The following OSBPL6 variants were observed in gnomAD, a reference collection of about 807,000 sequenced individuals.
OSBPL6 encodes oxysterol binding protein like 6, also known as oxysterol-binding protein-related protein 6.
A neutral mutation model predicts 125.8 loss-of-function variants in OSBPL6; 49 were observed. That is an observed-to-expected ratio of 0.39 (90% CI 0.31 to 0.49). The LOEUF (loss-of-function observed/expected upper bound fraction) is 0.49. OSBPL6 is among the 20% of genes least tolerant of loss of function. OSBPL6 has a pLI of 0.88. For synonymous variants in OSBPL6, 394 were observed against 391.8 expected (o/e 1.01, Z -0.07); for missense variants, 986 against 1,135.4 (o/e 0.87, Z 1.89).
At chr2:178,241,629 T>C (rs997128328) in intron 1 of OSBPL6, among the ~76,000 whole-genome samples, 8 of 152,112 alleles carry the variant, frequency 5.3e-5, no homozygotes, top group African/African-American at 1.9e-4. Flanking sequence ...TTGGCCAGGC[T>C]GGTCTTGAAC....
intron 1 of OSBPL6, among the ~76,000 whole-genome samples, chr2:178,200,545 C>A (rs1260280998): frequency 6.6e-6 from 1 of 152,072 alleles, no homozygotes; most frequent in Non-Finnish European, 1.5e-5. Context: ...AGCCTCTGTG[C>A]CTGGCTCTTC....
intron 11 of OSBPL6, among the ~76,000 whole-genome samples, chr2:178,341,463 A>G (rs2154082985): frequency 6.6e-6 from 1 of 152,238 alleles, no homozygotes; most frequent in Admixed American, 6.5e-5. Context: ...GAAAATGTCC[A>G]AAAAGCTAGA....
At chr2:178,385,081 G>T (rs1694821928) in intron 18 of OSBPL6, among the ~76,000 whole-genome samples, 1 of 152,140 alleles carries the variant, frequency 6.6e-6, no homozygotes, top group African/African-American at 2.4e-5. Flanking sequence ...ACTGGGGCCT[G>T]TTGGGGGGTG....
chr2:178,324,211 G>T lies in OSBPL6; in HGVS notation c.137G>T (p.Ser46Ile). 6.3e-7 allele frequency: 1 copy of T among 1,582,388 alleles called. No homozygotes were observed. Among genetic ancestry groups the T allele is most frequent in the Non-Finnish European group, 8.6e-7 (1 of 1,158,476 alleles). The change falls in exon 4 of 25, where the codon AGC becomes ATC. Residue 46 changes from serine to isoleucine, a missense_variant. Coordinates refer to ENST00000190611, the MANE Select transcript of OSBPL6 (RefSeq NM_032523.4). ...ATACTGGAGAGGACTGCTTCCTCTA[G>T]CACCGAGCCCTCTGTAAGTCGGCAA... ...IHILERTASS[S>I]TEPSVSRQLL...
At chr2:178,292,470 C>T (rs1029027012) in intron 2 of OSBPL6, among the ~76,000 whole-genome samples, 1 of 152,102 alleles carries the variant, frequency 6.6e-6, no homozygotes, top group African/African-American at 2.4e-5. Flanking sequence ...GAAGGAAAAA[C>T]ACACACGCTC....
chr2:178,324,940 T>C (rs1688565969), intron 4 of OSBPL6, among the ~76,000 whole-genome samples: 1 of 152,200 alleles, frequency 6.6e-6, no homozygotes, highest in African/African-American at 2.4e-5. Flanking sequence ...TATTCTGGCT[T>C]CTAGGCTCCT....
chr2:178,332,525 T>C, intron 6 of OSBPL6, 116 bp from the exon 7 acceptor site: 2 of 736,946 alleles, frequency 2.7e-6, no homozygotes, highest in Non-Finnish European at 4.7e-6. Flanking sequence ...AGGAGGTATA[T>C]GTAGTATTCC....
In OSBPL6 at chr2:178,361,710, T is replaced by C. The variant is rs1574970154; in HGVS notation, c.1182T>C (p.Asn394=). Residue 394 remains asparagine (N), a synonymous_variant, in exon 13 of 25, where the codon AAT becomes AAC. Coordinates refer to ENST00000190611, the MANE Select transcript of OSBPL6 (RefSeq NM_032523.4). The stretch of plus-strand genomic sequence containing the variant: ...ATTCTCTTTTGAAGTCTGCATTTAA[T>C]AGCATAGCTATAGAGAAGGAGAAGC... The part of the protein sequence containing the change: ...KVHSLLKSAF[N]SIAIEKEKLK... 1 of 1,614,142 alleles carries C rather than the reference T, an allele frequency of 6.2e-7. No individual in the cohort carries two copies. The highest frequency in any genetic ancestry group is 1.1e-5 in the South Asian group (1 of 91,084).
intron 1 of OSBPL6, among the ~76,000 whole-genome samples, chr2:178,202,444 C>T (rs2089302747): frequency 6.6e-6 from 1 of 152,190 alleles, no homozygotes; most frequent in Non-Finnish European, 1.5e-5. Flanking sequence ...GAAGATGTAG[C>T]CTCCTGTTTG....
intron 1 of OSBPL6, among the ~76,000 whole-genome samples, chr2:178,280,230 G>A (rs972912844): frequency 6.6e-6 from 1 of 152,016 alleles, no homozygotes; most frequent in South Asian, 2.1e-4. Flanking sequence ...TAAATAAAAT[G>A]AGGTTGAATT....
chr2:178,262,936 G>C, intron 1 of OSBPL6, among the ~76,000 whole-genome samples: 1 of 152,144 alleles, frequency 6.6e-6, no homozygotes, highest in East Asian at 1.9e-4. Flanking sequence ...GTTGGAAAAA[G>C]TGCATCCAAA....
chr2:178,237,700 C>T (rs1283814735), intron 1 of OSBPL6, among the ~76,000 whole-genome samples: 1 of 152,132 alleles, frequency 6.6e-6, no homozygotes, highest in Non-Finnish European at 1.5e-5. Context: ...GCAACCCTGG[C>T]CTCTACCCAC....
intron 15 of OSBPL6, among the ~76,000 whole-genome samples, chr2:178,379,525 C>CT (rs993442209): frequency 6.6e-6 from 1 of 152,098 alleles, no homozygotes; most frequent in Non-Finnish European, 1.5e-5. Flanking sequence ...GAAGAATAGA[C>CT]TTTATAGCTG....
chr2:178,358,141 T>C (rs1315707549), intron 12 of OSBPL6, among the ~76,000 whole-genome samples: 3 of 151,910 alleles, frequency 2.0e-5, no homozygotes, highest in Non-Finnish European at 4.4e-5. Context: ...AAATGATGAG[T>C]TGATGGGTGC....
At chr2:178,212,848 C>T (rs545486695) in intron 1 of OSBPL6, among the ~76,000 whole-genome samples, 2 of 151,780 alleles carry the variant, frequency 1.3e-5, no homozygotes, top group South Asian at 2.1e-4. Flanking sequence ...TTCTTTGTCA[C>T]CCAGGCTAGA....
At position 178,355,963 on chromosome 2, in the gene OSBPL6, A is replaced by G. The variant is rs542511814; in HGVS notation, c.1154-5719A>G. Among the ~76,000 whole-genome samples the G allele has an allele frequency of 2.0e-5, 3 of 152,388 alleles. No homozygotes were observed. In the South Asian group the frequency reaches 6.2e-4, roughly 32 times the overall value. ...CAAATCAATAAACGTAATCCATCAC[A>G]TAAACAGAATCAATGACAAAAACCA... On this transcript the variant is annotated intron_variant, in intron 12 of 24. Coordinates refer to ENST00000190611, the MANE Select transcript of OSBPL6 (RefSeq NM_032523.4).
rs73034347 is a variant in OSBPL6, at chr2:178,391,348, T to C, written c.2446+131T>C. 5,116 of 915,726 alleles carry C rather than the reference T, an allele frequency of 5.6e-3. 160 individuals are homozygous for C. In the African/African-American group the frequency reaches 0.072, roughly 13 times the overall value. The allele number at this position is 915,726 out of a possible 1,614,324, so 56.7% of individuals were successfully genotyped here. A position where few individuals can be genotyped will look rare whatever the true frequency, so the allele number is the denominator to read the frequency against. ...GTGAGATTAAAAGCGTAGATGCTTA[T>C]GGCAATTATAGTTACATTCATACTT... On this transcript the variant is annotated intron_variant, in intron 22 of 24. Coordinates refer to ENST00000190611, the MANE Select transcript of OSBPL6 (RefSeq NM_032523.4).
intron 2 of OSBPL6, among the ~76,000 whole-genome samples, chr2:178,287,701 A>G (rs1011568091): frequency 2.0e-5 from 3 of 150,392 alleles, no homozygotes; most frequent in African/African-American, 7.3e-5. Flanking sequence ...ATCTCCCCCC[A>G]TCTACCCCCC....
At chr2:178,314,390 G>GCTGT (rs1687559707) in intron 3 of OSBPL6, among the ~76,000 whole-genome samples, 1 of 152,174 alleles carries the variant, frequency 6.6e-6, no homozygotes, top group African/African-American at 2.4e-5. Context: ...CTGGAACCCA[G>GCTGT]CTGTCAGTTC....
Sources: gnomAD v4.1 joint callset for allele counts (sites outside exome capture counted in the v4.1 genomes callset) on GRCh38, gnomAD v4.1.1 for gene constraint, MANE v1.5 for transcripts, NCBI Gene and HGNC (gene_info 2026-07-23, HGNC 2026-07-21) for gene names.